SYNJ2: variants seen among roughly 807,000 people sequenced by gnomAD.
The protein encoded by SYNJ2 is polyphosphatidylinositol phosphatase SYNJ2.
A neutral mutation model predicts 141.3 loss-of-function variants in SYNJ2; 116 were observed. That is an observed-to-expected ratio of 0.82 (90% CI 0.71 to 0.96). The LOEUF (loss-of-function observed/expected upper bound fraction) is 0.96. Ranked by LOEUF, SYNJ2 falls within the 40% of genes least tolerant of loss-of-function variation. The probability of loss-of-function intolerance (pLI) is 0.00; values close to 1 mark genes in which losing one functional copy is unlikely to be tolerated. For synonymous variants in SYNJ2, 745 were observed against 777.7 expected, an observed-to-expected ratio of 0.96 and a Z score of 0.70; for missense variants, 1,873 against 1,934.8, an observed-to-expected ratio of 0.97 and a Z score of 0.60.
chr6:158,068,731 A>T lies in SYNJ2; in HGVS notation c.1799+3A>T. The T allele has an allele frequency of 6.2e-7, 1 of 1,613,786 alleles. No homozygotes were observed. The highest frequency in any genetic ancestry group is 1.1e-5 in the South Asian group (1 of 91,072). On this transcript the variant is annotated splice_donor_region_variant and intron_variant, in intron 13 of 26. Transcript: ENST00000355585. ...GCAGGGAATATTGTCAATGCCAGGT[A>T]AGGGGCCAGGTGTGCGGGGCCAGGC...
chr6:158,022,594 C>T (rs936857858), intron 2 of SYNJ2, among the ~76,000 whole-genome samples: 1 of 152,158 alleles, frequency 6.6e-6, no homozygotes, highest in Non-Finnish European at 1.5e-5. Flanking sequence ...CTGGGAGGCC[C>T]AGAGAGGGTA....
At chr6:158,065,410 C>G (rs1781504614) in intron 11 of SYNJ2, among the ~76,000 whole-genome samples, 3 of 152,062 alleles carry the variant, frequency 2.0e-5, no homozygotes, top group African/African-American at 7.2e-5. Flanking sequence ...CCCTGAGGAC[C>G]CTGTGGAAAC....
Position 158,086,899 on chromosome 6 carries a change from G to A in SYNJ2, c.3253G>A (p.Gly1085Arg), listed in dbSNP as rs745339924. The A allele has an allele frequency of 1.2e-5, 20 of 1,610,230 alleles. No individual in the cohort carries two copies. Among genetic ancestry groups the A allele is most frequent in the East Asian group, 6.7e-5 (3 of 44,888 alleles). Reference sequence around the variant, plus strand: ...GCTCAAGCGGGAGCTGGAAGCCGTCGGGGAGTTCCGCCACCGTTCTCCGAG... The same window carrying A: ...GCTCAAGCGGGAGCTGGAAGCCGTCAGGGAGTTCCGCCACCGTTCTCCGAG... ...VELKRELEAV[G>R]EFRHRSPSRS... The change falls in exon 23 of 27, where the codon GGG becomes AGG. Residue 1085 changes from glycine to arginine, a missense_variant. Gly to Arg is a moderately radical substitution (Grantham distance 125). Coordinates refer to ENST00000355585, the MANE Select transcript of SYNJ2 (RefSeq NM_003898.4).
chr6:158,035,602 G>A (rs766336663), intron 4 of SYNJ2, among the ~76,000 whole-genome samples: 1 of 152,094 alleles, frequency 6.6e-6, no homozygotes, highest in African/African-American at 2.4e-5. Flanking sequence ...TTGCAAACAG[G>A]GATAGTTTGA....
rs1438547976 is a variant in SYNJ2 at position 158,096,279 on chromosome 6, AC to A, written c.4407del (p.His1469GlnfsTer4). On this transcript the variant is annotated frameshift_variant, in exon 27 of 27. Coordinates refer to ENST00000355585, the MANE Select transcript of SYNJ2 (RefSeq NM_003898.4). LOFTEE classifies it low-confidence loss of function (END_TRUNC). ...AKAELPPDHE[H>X]KTLGHWVTIS... is the part of the protein sequence containing the mutation. ...GCAGAGCTGCCACCAGATCATGAAC[AC>A]AAAACCTTAGGTCACTGGGTGACAA... 6.2e-7 allele frequency: 1 copy of A among 1,614,188 alleles called. No homozygotes were observed. The highest frequency in any genetic ancestry group is 1.7e-5 in the Admixed American group (1 of 60,028).
Position 158,043,339 on chromosome 6 carries a change from G to A in SYNJ2, c.735G>A (p.Val245=), listed in dbSNP as rs151043366. 8 of 1,614,014 alleles carry A rather than the reference G, an allele frequency of 5.0e-6. No individual in the cohort carries two copies. In the African/African-American group the frequency reaches 9.3e-5, roughly 19 times the overall value. ...TEQMIYMDDG[V]SSFVQIRGSV... ...AGATGATTTACATGGACGATGGAGT[G>A]TCATCTTTTGTCCAGATCAGAGGCT... The change falls in exon 5 of 27, where the codon GTG becomes GTA. Residue 245 remains valine (V), a synonymous_variant. Transcript: ENST00000355585. The surrounding 1 kb of genome is among the most constrained non-coding windows in gnomAD (Gnocchi z 4.0).
At chr6:157,988,994 A>G (rs1371750783) in intron 1 of SYNJ2, among the ~76,000 whole-genome samples, 1 of 152,210 alleles carries the variant, frequency 6.6e-6, no homozygotes, top group Non-Finnish European at 1.5e-5. Flanking sequence ...GGCACTGTTC[A>G]TGTAAATGTA....
At chr6:157,985,162 G>T (rs1323902578) in intron 1 of SYNJ2, among the ~76,000 whole-genome samples, 1 of 152,186 alleles carries the variant, frequency 6.6e-6, no homozygotes, top group African/African-American at 2.4e-5. Flanking sequence ...TGGAGACAGG[G>T]GCTTGAACTG....
intron 2 of SYNJ2, among the ~76,000 whole-genome samples, chr6:158,022,206 T>G (rs1778814192): frequency 6.6e-6 from 1 of 152,154 alleles, no homozygotes; most frequent in African/African-American, 2.4e-5. Context: ...TTTGGAGCTT[T>G]AAGTCTGAGG....
rs769866852 is a variant in SYNJ2, at chr6:158,064,953, A to G, written c.1487A>G (p.Asp496Gly). 7 of 1,610,586 alleles carry G rather than the reference A, an allele frequency of 4.3e-6. No individual in the cohort carries two copies. The South Asian group carries it at 6.6e-5, about 15-fold the overall frequency. ...GACGTCTACGGCGAGGAGGTGGCAG[A>G]CAAAGGGGGCATGCTGCTGGACAGC... ...VGDVYGEEVADKGGMLLDSTA... is the reference protein window; with the variant it reads ...VGDVYGEEVAGKGGMLLDSTA... Residue 496 changes from aspartate to glycine, a missense_variant, in exon 11 of 27, where the codon GAC becomes GGC. Transcript: ENST00000355585.
chr6:158,034,921 C>T (rs143615358), intron 4 of SYNJ2, among the ~76,000 whole-genome samples: 69 of 152,160 alleles, frequency 4.5e-4, no homozygotes, highest in Non-Finnish European at 9.1e-4. Context: ...ATCCCAGCAC[C>T]GTTTATTGAA....
chr6:158,063,456 C>T (rs1025468328), intron 8 of SYNJ2, among the ~76,000 whole-genome samples: 4 of 151,878 alleles, frequency 2.6e-5, no homozygotes, highest in Admixed American at 6.6e-5. Context: ...GTCAGGAGTT[C>T]GAGACTAGCC....
chr6:158,043,273 T>C lies in SYNJ2; in HGVS notation c.712-43T>C. The C allele has an allele frequency of 1.3e-6, 2 of 1,577,294 alleles. No homozygotes were observed. The highest frequency in any genetic ancestry group is 1.7e-6 in the Non-Finnish European group (2 of 1,147,276). Reference sequence around the variant, plus strand: ...GTTACCCAGCCCAGGACGTTCGGTTTCATTGAAGAATACCTTTCCCTTTCT... The same window carrying C: ...GTTACCCAGCCCAGGACGTTCGGTTCCATTGAAGAATACCTTTCCCTTTCT... On this transcript the variant is annotated intron_variant, in intron 4 of 26. Coordinates refer to ENST00000355585, the MANE Select transcript of SYNJ2 (RefSeq NM_003898.4). The surrounding 1 kb of genome is among the most constrained non-coding windows in gnomAD (Gnocchi z 4.0).
In SYNJ2 at chr6:158,000,064, C is replaced by CTTTTTTTTT. The variant is rs58284240; in HGVS notation, c.128-17109_128-17101dup. On this transcript the variant is annotated intron_variant, in intron 1 of 26. Transcript: ENST00000355585. The stretch of plus-strand genomic sequence containing the variant: ...GCCAGGTTCTCACCAAGCCAAAAGG[C>CTTTTTTTTT]TTTTTTTTTTTTTTTTTTTTTTTTT... 6.1e-4 allele frequency among the ~76,000 whole-genome samples: 52 copies of CTTTTTTTTT among 85,576 alleles called. 8 individuals carry two copies. Among genetic ancestry groups the CTTTTTTTTT allele is most frequent in the Non-Finnish European group, 7.6e-4 (31 of 40,824 alleles). 56.1% of individuals were successfully genotyped at this position (85,576 alleles called of 152,430 possible). A position where few individuals can be genotyped will look rare whatever the true frequency, so the allele number is the denominator to read the frequency against.
At chr6:157,998,622 G>A (rs1777721814) in intron 1 of SYNJ2, among the ~76,000 whole-genome samples, 1 of 152,074 alleles carries the variant, frequency 6.6e-6, no homozygotes, top group South Asian at 2.1e-4. Flanking sequence ...AAATGCAGAG[G>A]TATTTAAGTG....
intron 4 of SYNJ2, among the ~76,000 whole-genome samples, chr6:158,041,833 C>T (rs1026861756): frequency 3.9e-5 from 6 of 152,134 alleles, no homozygotes; most frequent in African/African-American, 1.2e-4. Flanking sequence ...CTCAGCCTCC[C>T]GAATAGCTGG....
At chr6:158,000,301 AG>A (rs1777796983) in intron 1 of SYNJ2, among the ~76,000 whole-genome samples, 1 of 152,044 alleles carries the variant, frequency 6.6e-6, no homozygotes, top group Non-Finnish European at 1.5e-5. Context: ...AAGGCCGGAG[AG>A]TCACAAACCA....
In SYNJ2 at chr6:158,028,570, C is replaced by A. The variant is rs1051624512; in HGVS notation, c.215-186C>A. The A allele has an allele frequency of 5.7e-5, 41 of 724,464 alleles. 1 individual carries two copies. The South Asian group carries it at 7.3e-4, about 13-fold the overall frequency. The allele number at this position is 724,464 out of a possible 1,614,324, so 44.9% of individuals were successfully genotyped here. On this transcript the variant is annotated intron_variant, in intron 2 of 26. Transcript: ENST00000355585. ...CAGGGTCCCACACTTTGAGAAGCCC[C>A]GCCTGAAGCTTACAGGACAGGGCAG...
intron 15 of SYNJ2, among the ~76,000 whole-genome samples, chr6:158,073,485 A>G (rs1466803214): frequency 6.6e-6 from 1 of 152,220 alleles, no homozygotes; most frequent in African/African-American, 2.4e-5. Context: ...GGTGTGAGCC[A>G]TGGTGCCTGG....
Sources: allele counts gnomAD v4.1 joint callset (sites outside exome capture counted in the v4.1 genomes callset), GRCh38; gene constraint gnomAD v4.1.1; non-coding constraint Gnocchi (gnomAD v3.1); transcripts MANE v1.5; gene names NCBI Gene and HGNC (gene_info 2026-07-23, HGNC 2026-07-21).